The following GSE1 variants were observed in gnomAD, a reference collection of about 807,000 sequenced individuals.
GSE1 encodes genetic suppressor element 1.
In GSE1, 32 loss-of-function variants were observed where a neutral mutation model predicts 112.6. The observed-to-expected ratio is 0.28, with a 90% CI of 0.21 to 0.38. The LOEUF is 0.38. GSE1 is among the 10% of genes least tolerant of loss of function. The pLI is 1.00. For missense variants in GSE1, 2,348 were observed against 1,699.2 expected (o/e 1.38, Z -6.71); for synonymous variants, 1,115 against 735.6 (o/e 1.52, Z -8.35).
intron 1 of GSE1, among the ~76,000 whole-genome samples, chr16:85,325,502 A>G (rs1284350629): frequency 6.6e-6 from 1 of 152,014 alleles, no homozygotes; most frequent in Non-Finnish European, 1.5e-5. Context: ...CCCAGGCTGG[A>G]GTGCAGTGAC....
intron 1 of GSE1, among the ~76,000 whole-genome samples, chr16:85,298,203 T>C (rs1441427115): frequency 2.0e-5 from 3 of 152,186 alleles, no homozygotes; most frequent in Admixed American, 1.3e-4. Context: ...TCCCTGGTGA[T>C]GCAATGCTGC....
intron 2 of GSE1, among the ~76,000 whole-genome samples, chr16:85,534,370 C>T (rs141527282): frequency 6.6e-6 from 1 of 152,234 alleles, no homozygotes; most frequent in East Asian, 1.9e-4. Flanking sequence ...GATCCGCCCA[C>T]CTCGGCCTCC....
chr16:85,393,136 G>A (rs1361814464), intron 2 of GSE1, among the ~76,000 whole-genome samples: 1 of 152,236 alleles, frequency 6.6e-6, no homozygotes, highest in Admixed American at 6.5e-5. Context: ...GGGCACGGTG[G>A]TGCGCACTTG....
At chr16:85,348,925 G>A (rs1356588534) in intron 1 of GSE1, among the ~76,000 whole-genome samples, 3 of 151,174 alleles carry the variant, frequency 2.0e-5, no homozygotes, top group Non-Finnish European at 2.9e-5. Flanking sequence ...CCCCAGCTGC[G>A]GCGCCCTGCC....
chr16:85,242,943 C>T (rs1905276658), intron 1 of GSE1, among the ~76,000 whole-genome samples: 1 of 152,158 alleles, frequency 6.6e-6, no homozygotes, highest in Admixed American at 6.5e-5. Flanking sequence ...TCCTGAGTAG[C>T]TGAGACTACA....
intron 1 of GSE1, among the ~76,000 whole-genome samples, chr16:85,625,027 C>T (rs768594198): frequency 6.6e-6 from 1 of 152,178 alleles, no homozygotes; most frequent in East Asian, 1.9e-4. Flanking sequence ...GTACCTTGAT[C>T]GCTGTTGGTG....
intron 2 of GSE1, among the ~76,000 whole-genome samples, chr16:85,638,502 C>T (rs995842937): frequency 3.3e-5 from 5 of 152,190 alleles, no homozygotes; most frequent in African/African-American, 1.2e-4. Flanking sequence ...GTGATCCGGG[C>T]AGGCCGCTTT....
chr16:85,576,001 CG>C (rs2046214787), intron 1 of GSE1, among the ~76,000 whole-genome samples: 1 of 150,598 alleles, frequency 6.6e-6, no homozygotes, highest in African/African-American at 2.4e-5. Flanking sequence ...AGAGCAGTGA[CG>C]GGGGAGTATT....
At chr16:85,383,131 A>G (rs1468760465) in intron 2 of GSE1, among the ~76,000 whole-genome samples, 2 of 151,706 alleles carry the variant, frequency 1.3e-5, no homozygotes, top group African/African-American at 4.9e-5. Context: ...TCTTGACACA[A>G]ACACCATAAC....
chr16:85,514,887 G>C (rs963551421), intron 2 of GSE1, among the ~76,000 whole-genome samples: 1 of 152,224 alleles, frequency 6.6e-6, no homozygotes, highest in Non-Finnish European at 1.5e-5. Flanking sequence ...GGATGTGTGT[G>C]TGCATGCACA....
At chr16:85,662,776 G>A (rs1024151166) in intron 9 of GSE1, 88 of 546,614 alleles carry the variant, frequency 1.6e-4, no homozygotes, top group Non-Finnish European at 2.4e-4. Context: ...GGATCCCAGG[G>A]AAGCCTGGTG....
intron 1 of GSE1, among the ~76,000 whole-genome samples, chr16:85,260,875 G>T (rs893548170): frequency 1.5e-4 from 23 of 152,244 alleles, no homozygotes; most frequent in Admixed American, 1.1e-3. Context: ...GAGTCCATGG[G>T]TGGCCTCTGT....
At chr16:85,639,065 A>G (rs1598500171) in intron 2 of GSE1, among the ~76,000 whole-genome samples, 1 of 151,994 alleles carries the variant, frequency 6.6e-6, no homozygotes, top group South Asian at 2.1e-4. Flanking sequence ...CCTGGGTTGC[A>G]CCCCCAGCCC....
intron 1 of GSE1, among the ~76,000 whole-genome samples, chr16:85,188,913 T>G (rs2074765219): frequency 6.6e-6 from 1 of 152,198 alleles, no homozygotes; most frequent in Admixed American, 6.5e-5. Context: ...CAAAATTTAA[T>G]GCAAAATCTG....
chr16:85,617,955 T>A (rs1431367603), intron 1 of GSE1, among the ~76,000 whole-genome samples: 1 of 152,154 alleles, frequency 6.6e-6, no homozygotes, highest in Non-Finnish European at 1.5e-5. Flanking sequence ...CTGGCTGCTC[T>A]CTGGATGTCT....
chr16:85,261,592 G>A (rs746260570), intron 1 of GSE1, among the ~76,000 whole-genome samples: 3 of 152,318 alleles, frequency 2.0e-5, no homozygotes, highest in African/African-American at 4.8e-5. Context: ...GGGCTGCCCC[G>A]TGTGGTAGAG....
intron 2 of GSE1, among the ~76,000 whole-genome samples, chr16:85,440,047 C>T (rs1365426129): frequency 6.6e-6 from 1 of 152,238 alleles, no homozygotes; most frequent in Non-Finnish European, 1.5e-5. Context: ...TACACTTGCA[C>T]CTTCGGGTTT....
chr16:85,422,335 A>G (rs1470068326), intron 2 of GSE1, among the ~76,000 whole-genome samples: 1 of 150,662 alleles, frequency 6.6e-6, no homozygotes, highest in Non-Finnish European at 1.5e-5. Flanking sequence ...CAAGACTGAC[A>G]GTAAGAGGCT....
At chr16:85,197,143 C>T (rs1398794752) in intron 1 of GSE1, among the ~76,000 whole-genome samples, 1 of 152,142 alleles carries the variant, frequency 6.6e-6, no homozygotes, top group Non-Finnish European at 1.5e-5. Flanking sequence ...AGACCTGGCC[C>T]CTCGGAGCTC....
Sources: gnomAD v4.1 joint callset for allele counts (sites outside exome capture counted in the v4.1 genomes callset) on GRCh38, gnomAD v4.1.1 for gene constraint, MANE v1.5 for transcripts, NCBI Gene and HGNC (gene_info 2026-07-23, HGNC 2026-07-21) for gene names.